The following ABCA10 variants were observed in gnomAD, a reference collection of about 807,000 sequenced individuals.
ABCA10 encodes the protein ATP binding cassette subfamily A member 10.
In ABCA10, 169 loss-of-function variants were observed where a neutral mutation model predicts 187.5. The ratio of observed to expected loss-of-function variants is 0.90; its 90% CI spans 0.80 to 1.02. ABCA10 has a LOEUF of 1.02. Ranked by LOEUF, ABCA10 falls within the 50% of genes least tolerant of loss-of-function variation. The pLI is 0.00. For synonymous variants in ABCA10, 574 were observed against 601.8 expected (o/e 0.95, Z 0.68); for missense variants, 1,727 against 1,812.4 (o/e 0.95, Z 0.86).
Position 69,194,484 on chromosome 17 carries a change from C to A in ABCA10, c.1246G>T (p.Asp416Tyr), listed in dbSNP as rs1185728774. The A allele has an allele frequency of 6.3e-7, 1 of 1,598,814 alleles. No individual in the cohort carries two copies. Among genetic ancestry groups the A allele is most frequent in the Non-Finnish European group, 8.5e-7 (1 of 1,172,816 alleles). Residue 416 changes from aspartate to tyrosine, a missense_variant, in exon 12 of 39, where the codon GAC (aspartate) becomes TAC (tyrosine). Asp to Tyr is a radical substitution (Grantham distance 160, BLOSUM62 -3). Transcript: ENST00000690296. ...KVEALQGIFFDIYEGQITAIL... is the reference protein window; with the variant it reads ...KVEALQGIFFYIYEGQITAIL... Reference sequence around the variant, plus strand: ...GCAGTGATCTGTCCTTCATATATGTCAAAAAATATGCCTGTTTTAGAATAA... The same window carrying A: ...GCAGTGATCTGTCCTTCATATATGTAAAAAAATATGCCTGTTTTAGAATAA...
At position 69,164,241 on chromosome 17, in the gene ABCA10, G is replaced by A. The variant is rs2074239573; in HGVS notation, c.3283-87C>T. ...TAAATACACCCACATTATACTTGAT[G>A]TTCTATGGGACAACAGTAAGTATTC... is the stretch of plus-strand genomic sequence containing the variant. On this transcript the variant is annotated intron_variant, in intron 26 of 38. Transcript: ENST00000690296. 4 of 1,068,418 alleles carry A rather than the reference G, an allele frequency of 3.7e-6. No homozygotes were observed. In the Admixed American group the frequency reaches 9.1e-5, roughly 24 times the overall value. The allele number at this position is 1,068,418 out of a possible 1,614,324, so 66.2% of individuals were successfully genotyped here. A position where few individuals can be genotyped will look rare whatever the true frequency, so the allele number is the denominator to read the frequency against.
intron 30 of ABCA10, 102 bp from the exon 31 acceptor site, chr17:69,154,428 T>C: frequency 1.1e-6 from 1 of 880,758 alleles, no homozygotes; most frequent in Non-Finnish European, 1.7e-6. Flanking sequence ...GACTTTTTTT[T>C]TTTTTTTTTT....
At chr17:69,153,764 T>C in intron 32 of ABCA10, 67 bp downstream of exon 32, 1 of 1,524,008 alleles carries the variant, frequency 6.6e-7, no homozygotes, top group Non-Finnish European at 8.8e-7. Flanking sequence ...TTCCTTTTAA[T>C]ATATAATGAA....
chr17:69,167,584 T>C (rs908794222), intron 25 of ABCA10, among the ~76,000 whole-genome samples: 1 of 152,136 alleles, frequency 6.6e-6, no homozygotes, highest in Non-Finnish European at 1.5e-5. Flanking sequence ...AGAAATTCAA[T>C]AACTAATAGA....
At chr17:69,199,871 A>G (rs1384817046) in intron 10 of ABCA10, among the ~76,000 whole-genome samples, 5 of 152,352 alleles carry the variant, frequency 3.3e-5, no homozygotes, top group East Asian at 1.9e-4. Flanking sequence ...CGTAATTTCT[A>G]TAAGAATTAA....
intron 9 of ABCA10, among the ~76,000 whole-genome samples, chr17:69,214,275 G>A (rs925078518): frequency 2.0e-5 from 3 of 152,084 alleles, no homozygotes; most frequent in Non-Finnish European, 4.4e-5. Flanking sequence ...CAGCACTTTG[G>A]GAGGCCGAGG....
chr17:69,223,765 C>A, intron 3 of ABCA10: 1 of 369,632 alleles, frequency 2.7e-6, no homozygotes, highest in Admixed American at 3.6e-5. Context: ...TGCTAAAAAG[C>A]AAGAGTTAGA....
intron 1 of ABCA10, among the ~76,000 whole-genome samples, chr17:69,243,059 C>T (rs1370851508): frequency 6.6e-6 from 1 of 152,158 alleles, no homozygotes; most frequent in Non-Finnish European, 1.5e-5. Context: ...CTTGATCAGT[C>T]CCAATTGTTA....
Position 69,149,964 on chromosome 17 carries a change from T to TCA in ABCA10, c.4477+19_4477+20insTG, listed in dbSNP as rs1293177927. ...ATGCAACCAATACATAAAGTCTTAT[T>TCA]TATATATACCCAAACTTACTCGCCT... On this transcript the variant is annotated intron_variant, in intron 37 of 38. Coordinates refer to ENST00000690296, the MANE Select transcript of ABCA10 (RefSeq NM_001377321.1). 1 of 1,559,334 alleles carries TCA rather than the reference T, an allele frequency of 6.4e-7. No homozygotes were observed. Among genetic ancestry groups the TCA allele is most frequent in the Non-Finnish European group, 8.8e-7 (1 of 1,136,098 alleles).
chr17:69,202,778 C>CTT (rs57875917), intron 9 of ABCA10, among the ~76,000 whole-genome samples: 113,133 of 151,746 alleles, frequency 0.75, 42,693 homozygotes, highest in African/African-American at 0.84. Context: ...GTTAAATGGA[C>CTT]ATATCTATTA....
Position 69,222,580 on chromosome 17 carries a change from T to A in ABCA10, c.152A>T (p.Asn51Ile). 2 of 1,596,948 alleles carry A rather than the reference T, an allele frequency of 1.3e-6. No homozygotes were observed. The highest frequency in any genetic ancestry group is 1.2e-5 in the South Asian group (1 of 86,896). ...TATAACTGGGATTCTATATCCCCAA[T>A]TAAACTTCAGGCGATATGAGAAAGT... ...SDTFSYRLKF[N>I]WGYRIPVIKE... Residue 51 changes from asparagine to isoleucine, a missense_variant, in exon 4 of 39, where the codon AAT becomes ATT. By Grantham distance (149) the Asn-to-Ile change is moderately radical. Transcript: ENST00000690296.
rs369143410 is a variant in ABCA10, at chr17:69,153,910, G to A, written c.3886C>T (p.Leu1296Phe). ...AACTCCAAGTGCTCTTTCATTGTAAGCTTGGGCCACAGTGAGTTCTCCTGA... is the reference window on the plus strand; with the variant it reads ...AACTCCAAGTGCTCTTTCATTGTAAACTTGGGCCACAGTGAGTTCTCCTGA... ...CPQENSLWPK[L>F]TMKEHLELYA... is the part of the protein sequence containing the mutation. Residue 1296 changes from leucine to phenylalanine, a missense_variant, in exon 32 of 39, where the codon CTT becomes TTT. Physicochemically the swap from Leu to Phe is conservative, Grantham distance 22 (BLOSUM62 0). Coordinates refer to ENST00000690296, the MANE Select transcript of ABCA10 (RefSeq NM_001377321.1). 7 of 1,614,092 alleles carry A rather than the reference G, an allele frequency of 4.3e-6. No individual in the cohort carries two copies. The highest frequency in any genetic ancestry group is 2.2e-5 in the South Asian group (2 of 91,072).
intron 25 of ABCA10, among the ~76,000 whole-genome samples, chr17:69,173,162 G>T (rs935611306): frequency 1.4e-4 from 21 of 152,292 alleles, no homozygotes; most frequent in Admixed American, 5.2e-4. Context: ...AATGACTAAT[G>T]CCGATGGTTA....
intron 22 of ABCA10, among the ~76,000 whole-genome samples, chr17:69,180,385 T>G (rs1335596162): frequency 6.6e-6 from 1 of 152,140 alleles, no homozygotes; most frequent in African/African-American, 2.4e-5. Context: ...AGTTCATATT[T>G]GAAAAACAAT....
At chr17:69,201,772 T>C in intron 9 of ABCA10, 104 bp from the exon 10 acceptor site, 1 of 986,776 alleles carries the variant, frequency 1.0e-6, no homozygotes, top group South Asian at 2.5e-5. Context: ...AAGTTATTTA[T>C]CTTGGGCATT....
Position 69,187,707 on chromosome 17 carries a change from C to T in ABCA10, c.2304G>A (p.Arg768=). ...AACACAAAAGAGCTCTCCTTTCACGCCTTAACTTTAAGAAGCGAAGTGTTG... is the reference window on the plus strand; with the variant it reads ...AACACAAAAGAGCTCTCCTTTCACGTCTTAACTTTAAGAAGCGAAGTGTTG... ...AVATLRFLKL[R]RERRALLCLL... is the part of the protein sequence containing the mutation. Residue 768 remains arginine, a synonymous_variant, in exon 19 of 39, where the codon AGG becomes AGA. Coordinates refer to ENST00000690296, the MANE Select transcript of ABCA10 (RefSeq NM_001377321.1). The T allele has an allele frequency of 6.2e-7, 1 of 1,613,740 alleles. No individual in the cohort carries two copies. Among genetic ancestry groups the T allele is most frequent in the South Asian group, 1.1e-5 (1 of 91,070 alleles).
chr17:69,176,347 A>G (rs1286495842), intron 22 of ABCA10, among the ~76,000 whole-genome samples: 7 of 152,020 alleles, frequency 4.6e-5, no homozygotes, highest in Admixed American at 3.9e-4. Flanking sequence ...AAATTAAACA[A>G]TTGTCAAGGC....
chr17:69,163,930 AG>A lies in ABCA10; in HGVS notation c.3363+143del, dbSNP rs2074236867. On this transcript the variant is annotated intron_variant, in intron 27 of 38. Transcript: ENST00000690296. ...GTGAATCTATTTTAAAAATATCTTT[AG>A]TTCTTGCTGCCATTATATTGGAATG... is the stretch of plus-strand genomic sequence containing the variant. 7.2e-6 allele frequency: 4 copies of A among 557,130 alleles called. No individual in the cohort carries two copies. The South Asian group carries it at 9.9e-5, about 14-fold the overall frequency. 34.5% of individuals were successfully genotyped at this position (557,130 alleles called of 1,614,324 possible).
chr17:69,243,247 T>C (rs896897796), intron 1 of ABCA10, among the ~76,000 whole-genome samples: 1 of 152,244 alleles, frequency 6.6e-6, no homozygotes, highest in African/African-American at 2.4e-5. Context: ...TTGAGAATCT[T>C]GCACACACAT....
Sources: gnomAD v4.1 joint callset for allele counts (sites outside exome capture counted in the v4.1 genomes callset) on GRCh38, gnomAD v4.1.1 for gene constraint, MANE v1.5 for transcripts, NCBI Gene and HGNC (gene_info 2026-07-23, HGNC 2026-07-21) for gene names.